The following HIF3A variants were observed in gnomAD, a reference collection of about 807,000 sequenced individuals.
The protein encoded by HIF3A is hypoxia-inducible factor 3-alpha.
A neutral mutation model predicts 67.2 loss-of-function variants in HIF3A; 41 were observed. The ratio of observed to expected loss-of-function variants is 0.61; its 90% CI spans 0.48 to 0.79. The LOEUF (loss-of-function observed/expected upper bound fraction) is 0.79. HIF3A is among the 30% of genes least tolerant of loss of function. HIF3A has a pLI of 0.00. For missense variants in HIF3A, 855 were observed against 898.0 expected, an observed-to-expected ratio of 0.95 and a Z score of 0.61; for synonymous variants, 356 against 374.8, an observed-to-expected ratio of 0.95 and a Z score of 0.58.
At chr19:46,324,985 T>TGTG (rs1555785451) in intron 10 of HIF3A, among the ~76,000 whole-genome samples, 3 of 127,928 alleles carry the variant, frequency 2.3e-5, no homozygotes, top group South Asian at 2.6e-4. Context: ...CACACATATA[T>TGTG]TGTGTGTGTG....
chr19:46,324,669 C>G lies in HIF3A; in HGVS notation c.1336-866C>G, dbSNP rs528324074. Among the ~76,000 whole-genome samples, 3 of 151,860 alleles carry G rather than the reference C, an allele frequency of 2.0e-5. No individual in the cohort carries two copies. In the South Asian group the frequency reaches 6.2e-4, roughly 32 times the overall value. On this transcript the variant is annotated intron_variant, in intron 10 of 14. Transcript: ENST00000377670. ...AGGAGTTCAAGACCAGCCTGACTAA[C>G]ATGGTGAAACCCTGTCACTACTAAA... is the stretch of plus-strand genomic sequence containing the variant.
chr19:46,301,846 A>G (rs1425866053), intron 1 of HIF3A, among the ~76,000 whole-genome samples: 1 of 151,542 alleles, frequency 6.6e-6, no homozygotes, highest in African/African-American at 2.4e-5. Context: ...ATTAAAAATT[A>G]AAAATTAAAA....
rs1347395930 is a variant in HIF3A at position 46,297,065 on chromosome 19, G to T, written c.-12G>T. On this transcript the variant is annotated 5_prime_UTR_variant, in exon 1 of 15. Coordinates refer to ENST00000377670, the MANE Select transcript of HIF3A (RefSeq NM_152795.4). This position sits in a 1 kb window ranked among gnomAD's most constrained non-coding sequence, Gnocchi z 4.5. Reference sequence around the variant, plus strand: ...GGGCCTCCGAGGGCTCCGGAGCGGCGACTGGCGAGCCATGGCGCTGGGGCT... The same window carrying T: ...GGGCCTCCGAGGGCTCCGGAGCGGCTACTGGCGAGCCATGGCGCTGGGGCT... 5.0e-5 allele frequency: 65 copies of T among 1,306,852 alleles called. No individual in the cohort carries two copies. Among genetic ancestry groups the T allele is most frequent in the Non-Finnish European group, 6.4e-5 (65 of 1,018,340 alleles). The allele number at this position is 1,306,852 out of a possible 1,614,324, so 81.0% of individuals were successfully genotyped here. A position where few individuals can be genotyped will look rare whatever the true frequency, so the allele number is the denominator to read the frequency against.
intron 8 of HIF3A, among the ~76,000 whole-genome samples, chr19:46,318,262 A>G (rs1311819601): frequency 2.0e-5 from 3 of 151,686 alleles, no homozygotes; most frequent in East Asian, 3.9e-4. Flanking sequence ...CCAGGCTGGA[A>G]CCACATTAAA....
chr19:46,303,431 A>T (rs960189855), intron 1 of HIF3A, among the ~76,000 whole-genome samples: 1 of 152,116 alleles, frequency 6.6e-6, no homozygotes, highest in Admixed American at 6.5e-5. Context: ...TTGAGGGAAA[A>T]GGGCAGAGGA....
chr19:46,328,429 A>G (rs936671083), intron 11 of HIF3A, among the ~76,000 whole-genome samples: 1 of 152,188 alleles, frequency 6.6e-6, no homozygotes, highest in Non-Finnish European at 1.5e-5. Context: ...TTCCTTTAGG[A>G]GAAATATTTT....
chr19:46,307,743 ATC>A, intron 3 of HIF3A, among the ~76,000 whole-genome samples: 1 of 150,250 alleles, frequency 6.7e-6, no homozygotes, highest in Non-Finnish European at 1.5e-5. Context: ...GCGAGACTCC[ATC>A]TCAAAAAAAA....
At chr19:46,310,816 T>C (rs1456747400) in intron 6 of HIF3A, 1 of 266,530 alleles carries the variant, frequency 3.8e-6, no homozygotes, top group Non-Finnish European at 7.6e-6. Context: ...AGTGGCAGGA[T>C]CTTGGCCCAC....
intron 3 of HIF3A, among the ~76,000 whole-genome samples, chr19:46,307,057 C>G (rs898776435): frequency 6.6e-6 from 1 of 151,868 alleles, no homozygotes; most frequent in Non-Finnish European, 1.5e-5. Context: ...AATACTCTTA[C>G]TCCAGGGGGC....
At chr19:46,301,458 G>T (rs1303773254) in intron 1 of HIF3A, among the ~76,000 whole-genome samples, 1 of 152,184 alleles carries the variant, frequency 6.6e-6, no homozygotes, top group Non-Finnish European at 1.5e-5. Flanking sequence ...TCAGCCAGTT[G>T]TTGGCTTTGG....
intron 14 of HIF3A, among the ~76,000 whole-genome samples, chr19:46,339,264 C>T (rs1275111698): frequency 6.6e-6 from 1 of 151,968 alleles, no homozygotes; most frequent in South Asian, 2.1e-4. Flanking sequence ...AACCCGACCC[C>T]AGCCAATAAA....
intron 3 of HIF3A, among the ~76,000 whole-genome samples, chr19:46,307,654 G>A (rs982632023): frequency 6.6e-6 from 1 of 151,878 alleles, no homozygotes; most frequent in South Asian, 2.1e-4. Context: ...AGGCTGAGGT[G>A]GGAGAATCAC....
rs187337256 is a variant in HIF3A at position 46,320,030 on chromosome 19, G to A, written c.1026-413G>A. Among the ~76,000 whole-genome samples, 27 of 152,264 alleles carry A rather than the reference G, an allele frequency of 1.8e-4. No individual in the cohort carries two copies. In the East Asian group the frequency reaches 4.6e-3, roughly 26 times the overall value. On this transcript the variant is annotated intron_variant, in intron 8 of 14. Transcript: ENST00000377670. ...GGATCACCTGAGGTCAGGAGTTCGA[G>A]ACCAGCCTGGCCAACGTGGTGAAAC...
At chr19:46,299,276 AGAG>A (rs374987573) in intron 1 of HIF3A, among the ~76,000 whole-genome samples, 274 of 152,232 alleles carry the variant, frequency 1.8e-3, no homozygotes, top group African/African-American at 6.2e-3. Flanking sequence ...GCTAGGCAAA[AGAG>A]GGGTGGGGCA....
Position 46,330,112 on chromosome 19 carries a change from CAT to C in HIF3A, c.1712+635_1712+636del, listed in dbSNP as rs369685629. Among the ~76,000 whole-genome samples the C allele has an allele frequency of 7.8e-4, 119 of 152,012 alleles. 1 individual carries two copies. The highest frequency in any genetic ancestry group is 2.8e-3 in the African/African-American group (115 of 41,444). On this transcript the variant is annotated intron_variant, in intron 12 of 14. Transcript: ENST00000377670. ...AAACTGTCTAGAACTAAATTGCAAG[CAT>C]GTGCTCATTTCGAATCCAGAGTGGT...
At chr19:46,307,332 T>C (rs1424696119) in intron 3 of HIF3A, among the ~76,000 whole-genome samples, 1 of 152,188 alleles carries the variant, frequency 6.6e-6, no homozygotes, top group Non-Finnish European at 1.5e-5. Context: ...CCAGGTGCAG[T>C]AGCTCCCACC....
At chr19:46,317,174 G>A (rs1969983111) in intron 8 of HIF3A, among the ~76,000 whole-genome samples, 1 of 151,966 alleles carries the variant, frequency 6.6e-6, no homozygotes, top group South Asian at 2.1e-4. Flanking sequence ...ACCCGCCTCG[G>A]CTTCCCAAAA....
chr19:46,319,150 T>C lies in HIF3A; in HGVS notation c.1026-1293T>C, dbSNP rs139816236. Among the ~76,000 whole-genome samples, 870 of 152,284 alleles carry C rather than the reference T, an allele frequency of 5.7e-3. 10 individuals are homozygous for C. The highest frequency in any genetic ancestry group is 0.019 in the African/African-American group (795 of 41,548). On this transcript the variant is annotated intron_variant, in intron 8 of 14. Transcript: ENST00000377670. ...GAGCATGTGAGCATATGTGTCCCTATATGCACTCAGGTGTATGTGAGCGCT... is the reference window on the plus strand; with the variant it reads ...GAGCATGTGAGCATATGTGTCCCTACATGCACTCAGGTGTATGTGAGCGCT...
chr19:46,324,191 A>C (rs1423751216), intron 10 of HIF3A, among the ~76,000 whole-genome samples: 2 of 152,224 alleles, frequency 1.3e-5, no homozygotes, highest in African/African-American at 4.8e-5. Context: ...TGAGGCCTTA[A>C]TTTCTTCACC....
Sources: gnomAD v4.1 joint callset for allele counts (sites outside exome capture counted in the v4.1 genomes callset) on GRCh38, gnomAD v4.1.1 for gene constraint, Gnocchi (gnomAD v3.1) non-coding constraint, MANE v1.5 for transcripts, NCBI Gene and HGNC (gene_info 2026-07-23, HGNC 2026-07-21) for gene names.